The following VPS13B variants were observed in gnomAD, a reference collection of about 807,000 sequenced individuals.
The protein encoded by VPS13B is intermembrane lipid transfer protein VPS13B.
In VPS13B, 285 loss-of-function variants were observed where a neutral mutation model predicts 426.4. The observed-to-expected ratio is 0.67, with a 90% CI of 0.61 to 0.74. VPS13B has a LOEUF of 0.74. VPS13B is among the 30% of genes least tolerant of loss of function. The probability of loss-of-function intolerance (pLI) is 0.00; values close to 1 mark genes in which losing one functional copy is unlikely to be tolerated. For missense variants in VPS13B, 4,537 were observed against 4,782.6 expected (o/e 0.95, Z 1.51); for synonymous variants, 1,676 against 1,676.4 (o/e 1.00, Z 0.01).
chr8:99,522,711 T>G (rs544959605), intron 30 of VPS13B, among the ~76,000 whole-genome samples: 1 of 152,334 alleles, frequency 6.6e-6, no homozygotes, highest in African/African-American at 2.4e-5. Flanking sequence ...ATGTCAAATG[T>G]AAAATTCTAG....
rs1425618321 is a variant in VPS13B at position 99,731,735 on chromosome 8, T to C, written c.7050+10688T>C. Among the ~76,000 whole-genome samples, 3 of 152,168 alleles carry C rather than the reference T, an allele frequency of 2.0e-5. No individual in the cohort carries two copies. In the East Asian group the frequency reaches 5.8e-4, roughly 29 times the overall value. On this transcript the variant is annotated intron_variant, in intron 39 of 61. Transcript: ENST00000357162. ...AAATCTATGTTCTTGACAACTAATATGGTAATTTAATGAGGAAGTAAGAGA... is the reference window on the plus strand; with the variant it reads ...AAATCTATGTTCTTGACAACTAATACGGTAATTTAATGAGGAAGTAAGAGA...
At chr8:99,530,192 T>G (rs571921393) in intron 30 of VPS13B, among the ~76,000 whole-genome samples, 6 of 152,328 alleles carry the variant, frequency 3.9e-5, no homozygotes, top group African/African-American at 1.4e-4. Flanking sequence ...TTTTAATATC[T>G]TACTTAAATC....
intron 17 of VPS13B, among the ~76,000 whole-genome samples, chr8:99,217,788 T>C (rs1342994491): frequency 3.9e-5 from 6 of 152,202 alleles, no homozygotes; most frequent in Admixed American, 6.5e-5. Context: ...GTTTTGGTAG[T>C]GACTAGGGTT....
intron 2 of VPS13B, among the ~76,000 whole-genome samples, chr8:99,026,110 C>CT (rs1307176464): frequency 6.6e-6 from 1 of 152,040 alleles, no homozygotes; most frequent in East Asian, 1.9e-4. Flanking sequence ...TATTTGAAAT[C>CT]TTTCAACTTC....
At chr8:99,327,272 G>A (rs1810327042) in intron 19 of VPS13B, among the ~76,000 whole-genome samples, 1 of 152,100 alleles carries the variant, frequency 6.6e-6, no homozygotes, top group Admixed American at 6.5e-5. Flanking sequence ...AAATTTTGAA[G>A]TTTACCAATG....
At position 99,766,902 on chromosome 8, in the gene VPS13B, G is replaced by A. The variant is rs2130621684; in HGVS notation, c.7179G>A (p.Lys2393=). 2 of 1,614,014 alleles carry A rather than the reference G, an allele frequency of 1.2e-6. No individual in the cohort carries two copies. Among genetic ancestry groups the A allele is most frequent in the Non-Finnish European group, 1.7e-6 (2 of 1,179,956 alleles). The change falls in exon 40 of 62, where the codon AAG becomes AAA. Residue 2393 remains lysine (K), a synonymous_variant. Transcript: ENST00000357162. ...LPDINLVNDQ[K]KLVSSDLWRI... Reference sequence around the variant, plus strand: ...ATATCAATCTCGTGAATGACCAGAAGAAATTAGTATCTTCAGATCTTTGGA... The same window carrying A: ...ATATCAATCTCGTGAATGACCAGAAAAAATTAGTATCTTCAGATCTTTGGA...
chr8:99,519,010 T>C (rs972224538), intron 29 of VPS13B, among the ~76,000 whole-genome samples: 9 of 152,192 alleles, frequency 5.9e-5, no homozygotes, highest in African/African-American at 2.2e-4. Flanking sequence ...AAGTTGTATA[T>C]TGTTAACATT....
chr8:99,325,673 A>G (rs1810216016), intron 19 of VPS13B, among the ~76,000 whole-genome samples: 1 of 152,094 alleles, frequency 6.6e-6, no homozygotes, highest in African/African-American at 2.4e-5. Context: ...CCTTAACATT[A>G]TTTTCCATGA....
intron 35 of VPS13B, among the ~76,000 whole-genome samples, chr8:99,680,022 C>T (rs1831095241): frequency 6.6e-6 from 1 of 152,088 alleles, no homozygotes; most frequent in South Asian, 2.1e-4. Context: ...TACATAGCCA[C>T]CCGTGTATGC....
intron 54 of VPS13B, among the ~76,000 whole-genome samples, chr8:99,838,239 C>T (rs914409674): frequency 7.9e-5 from 12 of 152,128 alleles, no homozygotes; most frequent in African/African-American, 2.7e-4. Context: ...GGTGCTCATA[C>T]CCATGATTTG....
At chr8:99,242,803 G>A (rs1003996091) in intron 17 of VPS13B, among the ~76,000 whole-genome samples, 9 of 152,144 alleles carry the variant, frequency 5.9e-5, no homozygotes, top group Middle Eastern at 3.4e-3. Context: ...TATTGATAGC[G>A]TCAAACTTGT....
chr8:99,121,993 AG>A (rs1321595206), intron 8 of VPS13B, among the ~76,000 whole-genome samples: 1 of 150,454 alleles, frequency 6.6e-6, no homozygotes, highest in Non-Finnish European at 1.5e-5. Context: ...CTGGGACTAC[AG>A]GCACGTGCCA....
intron 35 of VPS13B, among the ~76,000 whole-genome samples, chr8:99,670,780 A>G (rs1323830384): frequency 6.6e-6 from 1 of 152,078 alleles, no homozygotes; most frequent in Non-Finnish European, 1.5e-5. Context: ...TAATATCTTC[A>G]AGTTCATCCA....
chr8:99,841,106 A>G (rs1289782830), intron 54 of VPS13B, among the ~76,000 whole-genome samples: 1 of 152,224 alleles, frequency 6.6e-6, no homozygotes, highest in East Asian at 1.9e-4. Flanking sequence ...TTTTTCAAGA[A>G]GTATACAGTA....
At chr8:99,731,753 G>A (rs1404184409) in intron 39 of VPS13B, among the ~76,000 whole-genome samples, 4 of 152,184 alleles carry the variant, frequency 2.6e-5, no homozygotes, top group Non-Finnish European at 5.9e-5. Context: ...TAATGAGGAA[G>A]TAAGAGAAGT....
At chr8:99,778,109 G>A (rs904524597) in intron 41 of VPS13B, among the ~76,000 whole-genome samples, 2 of 151,842 alleles carry the variant, frequency 1.3e-5, no homozygotes, top group Non-Finnish European at 2.9e-5. Context: ...GCAGGTGCCT[G>A]TAATCCCAGC....
chr8:99,584,544 A>G (rs530676649), intron 33 of VPS13B, among the ~76,000 whole-genome samples: 62 of 152,340 alleles, frequency 4.1e-4, no homozygotes, highest in African/African-American at 1.4e-3. Context: ...TTTGAAAAAT[A>G]AGTACACTAT....
intron 2 of VPS13B, among the ~76,000 whole-genome samples, chr8:99,035,631 C>T (rs561760821): frequency 5.9e-5 from 9 of 152,024 alleles, no homozygotes; most frequent in African/African-American, 1.9e-4. Flanking sequence ...CTGCTTTGAA[C>T]ATGGGTGTGT....
intron 12 of VPS13B, among the ~76,000 whole-genome samples, chr8:99,141,246 T>C (rs1342120960): frequency 6.6e-6 from 1 of 152,210 alleles, no homozygotes; most frequent in Non-Finnish European, 1.5e-5. Flanking sequence ...AAGCCAGTTG[T>C]GTTTTTACAT....
Sources: gnomAD v4.1 joint callset for allele counts (sites outside exome capture counted in the v4.1 genomes callset) on GRCh38, gnomAD v4.1.1 for gene constraint, MANE v1.5 for transcripts, NCBI Gene and HGNC (gene_info 2026-07-23, HGNC 2026-07-21) for gene names.